PLCB1: variants seen among roughly 807,000 people sequenced by gnomAD.
The protein encoded by PLCB1 is phospholipase C beta 1.
A neutral mutation model predicts 161.8 loss-of-function variants in PLCB1; 46 were observed. The ratio of observed to expected loss-of-function variants is 0.28; its 90% CI spans 0.22 to 0.36. The LOEUF is 0.36. Ranked by LOEUF, PLCB1 falls within the 10% of genes least tolerant of loss-of-function variation. The pLI, the probability that PLCB1 is intolerant of heterozygous loss-of-function variation, is 1.00. For missense variants in PLCB1, 1,016 were observed against 1,472.5 expected, an observed-to-expected ratio of 0.69 and a Z score of 5.07; for synonymous variants, 517 against 503.7, an observed-to-expected ratio of 1.03 and a Z score of -0.35.
chr20:8,757,642 A>G (rs1051957631), intron 24 of PLCB1, among the ~76,000 whole-genome samples: 2 of 152,066 alleles, frequency 1.3e-5, no homozygotes, highest in Non-Finnish European at 2.9e-5. Context: ...GATCATTTCA[A>G]TTCCCCCCAT....
intron 26 of PLCB1, among the ~76,000 whole-genome samples, chr20:8,766,479 G>A (rs540121156): frequency 6.6e-6 from 1 of 152,280 alleles, no homozygotes; most frequent in Non-Finnish European, 1.5e-5. Context: ...AAATGTGCTT[G>A]TGCCAGGAAC....
At chr20:8,765,829 G>A (rs534527341) in intron 26 of PLCB1, among the ~76,000 whole-genome samples, 1 of 151,944 alleles carries the variant, frequency 6.6e-6, no homozygotes, top group Admixed American at 6.6e-5. Context: ...CTGGGATTAC[G>A]CCACTACGCC....
chr20:8,624,781 T>C (rs1988287325), intron 3 of PLCB1, among the ~76,000 whole-genome samples: 1 of 152,208 alleles, frequency 6.6e-6, no homozygotes, highest in African/African-American at 2.4e-5. Context: ...GAAAATGAAT[T>C]TACTTAGTCA....
chr20:8,256,391 G>T (rs182940841), intron 2 of PLCB1, among the ~76,000 whole-genome samples: 61 of 152,190 alleles, frequency 4.0e-4, no homozygotes, highest in African/African-American at 1.2e-3. Context: ...GGGCACTTCA[G>T]TTCTCCTCTA....
chr20:8,559,134 A>C (rs1046109867), intron 3 of PLCB1, among the ~76,000 whole-genome samples: 1 of 151,940 alleles, frequency 6.6e-6, no homozygotes, highest in Non-Finnish European at 1.5e-5. Context: ...ATAAAAATCT[A>C]TGTTAGTTTA....
At chr20:8,359,070 T>G (rs1193683404) in intron 2 of PLCB1, among the ~76,000 whole-genome samples, 1 of 152,174 alleles carries the variant, frequency 6.6e-6, no homozygotes, top group Non-Finnish European at 1.5e-5. Context: ...GTAGTAAACA[T>G]AAGGCCTTGT....
At chr20:8,483,938 C>T (rs1201800119) in intron 3 of PLCB1, among the ~76,000 whole-genome samples, 9 of 152,164 alleles carry the variant, frequency 5.9e-5, no homozygotes, top group Non-Finnish European at 1.2e-4. Context: ...CACAAATGCA[C>T]ACACATAGCA....
intron 2 of PLCB1, among the ~76,000 whole-genome samples, chr20:8,251,764 A>G (rs1981159656): frequency 6.6e-6 from 1 of 152,002 alleles, no homozygotes. Flanking sequence ...ACACATTCCT[A>G]GGTCCCTCTC....
intron 2 of PLCB1, among the ~76,000 whole-genome samples, chr20:8,211,572 T>C (rs2123144795): frequency 6.6e-6 from 1 of 152,234 alleles, no homozygotes; most frequent in South Asian, 2.1e-4. Flanking sequence ...GGGATATAGA[T>C]TGGTCTATAT....
intron 16 of PLCB1, among the ~76,000 whole-genome samples, chr20:8,725,648 C>G (rs6077415): frequency 3.3e-5 from 5 of 152,100 alleles, no homozygotes; most frequent in Admixed American, 1.3e-4. Context: ...ACATTGAATT[C>G]GATGTCCTAA....
At chr20:8,503,606 T>A (rs1983517010) in intron 3 of PLCB1, among the ~76,000 whole-genome samples, 1 of 152,134 alleles carries the variant, frequency 6.6e-6, no homozygotes, top group Non-Finnish European at 1.5e-5. Flanking sequence ...TGAATAAGTA[T>A]GGTGAGAAAA....
At chr20:8,438,225 T>C (rs914677115) in intron 3 of PLCB1, among the ~76,000 whole-genome samples, 4 of 152,326 alleles carry the variant, frequency 2.6e-5, no homozygotes, top group Non-Finnish European at 2.9e-5. Flanking sequence ...AATATCCGTA[T>C]ATAAAAGTAA....
Position 8,450,264 on chromosome 20 carries a change from G to A in PLCB1, c.246+78814G>A, listed in dbSNP as rs116688697. 6.6e-5 allele frequency among the ~76,000 whole-genome samples: 10 copies of A among 152,186 alleles called. 1 individual carries two copies. The highest frequency in any genetic ancestry group is 1.4e-4 in the African/African-American group (6 of 41,516). ...TCATTTCTCTTGAAAAATTTCACAC[G>A]AAGTCTCTTTTCATCTATTTCAATA... On this transcript the variant is annotated intron_variant, in intron 3 of 31. Transcript: ENST00000338037.
chr20:8,494,824 G>T (rs2122787597), intron 3 of PLCB1, among the ~76,000 whole-genome samples: 1 of 152,166 alleles, frequency 6.6e-6, no homozygotes, highest in East Asian at 1.9e-4. Flanking sequence ...CTTTTGGGTA[G>T]TAATTTAAGC....
chr20:8,838,131 G>A (rs1259717811), intron 31 of PLCB1, among the ~76,000 whole-genome samples: 2 of 151,778 alleles, frequency 1.3e-5, no homozygotes, highest in African/African-American at 2.4e-5. Flanking sequence ...TATCCTTCAA[G>A]GAATTCCCAT....
At chr20:8,135,727 G>A (rs2051338713) in intron 1 of PLCB1, among the ~76,000 whole-genome samples, 1 of 152,102 alleles carries the variant, frequency 6.6e-6, no homozygotes, top group African/African-American at 2.4e-5. Flanking sequence ...TTCTGAACTT[G>A]GCATGAAGAT....
intron 2 of PLCB1, among the ~76,000 whole-genome samples, chr20:8,207,416 G>A (rs1427907405): frequency 1.3e-5 from 2 of 152,124 alleles, no homozygotes; most frequent in Non-Finnish European, 2.9e-5. Flanking sequence ...AAGAAGCATG[G>A]CATCACTATG....
At chr20:8,549,235 G>A (rs189033836) in intron 3 of PLCB1, among the ~76,000 whole-genome samples, 104 of 152,254 alleles carry the variant, frequency 6.8e-4, no homozygotes, top group African/African-American at 2.2e-3. Flanking sequence ...GTCAGGTACT[G>A]TTACAGTTGA....
intron 11 of PLCB1, among the ~76,000 whole-genome samples, chr20:8,707,668 A>G (rs977898219): frequency 2.0e-5 from 3 of 152,152 alleles, no homozygotes; most frequent in Non-Finnish European, 4.4e-5. Flanking sequence ...CAGAAAATCA[A>G]TCAAGATATT....
Sources: gnomAD v4.1 joint callset for allele counts (sites outside exome capture counted in the v4.1 genomes callset) on GRCh38, gnomAD v4.1.1 for gene constraint, MANE v1.5 for transcripts, NCBI Gene and HGNC (gene_info 2026-07-23, HGNC 2026-07-21) for gene names.